Variants in PCDHGA9 observed in about 807,000 individuals in gnomAD.
PCDHGA9 encodes protocadherin gamma-A9.
In PCDHGA9, 37 loss-of-function variants were observed where a neutral mutation model predicts 62.5. That is an observed-to-expected ratio of 0.59 (90% CI 0.46 to 0.78). PCDHGA9 has a LOEUF of 0.78. Ranked by LOEUF, PCDHGA9 falls within the 30% of genes least tolerant of loss-of-function variation. PCDHGA9 has a pLI of 0.00. For synonymous variants in PCDHGA9, 459 were observed against 484.6 expected, an observed-to-expected ratio of 0.95 and a Z score of 0.69; for missense variants, 1,138 against 1,166.2, an observed-to-expected ratio of 0.98 and a Z score of 0.35.
chr5:141,409,513 C>G (rs2095276446), intron 1 of PCDHGA9: 1 of 1,614,030 alleles, frequency 6.2e-7, no homozygotes, highest in South Asian at 1.1e-5. Flanking sequence ...CCAGTAGAAG[C>G]ATCACCTTGT....
rs769671283 is a variant in PCDHGA9, at chr5:141,511,391, C to T, written c.*218C>T. On this transcript the variant is annotated 3_prime_UTR_variant, in exon 4 of 4. Transcript: ENST00000573521. Reference sequence around the variant, plus strand: ...TGCAAAAGCAGTTCCGCTGGGAACCCCCATCCAATCAACTGCTGTACCCAT... The same window carrying T: ...TGCAAAAGCAGTTCCGCTGGGAACCTCCATCCAATCAACTGCTGTACCCAT... The T allele has an allele frequency of 6.4e-5, 69 of 1,079,630 alleles. No individual in the cohort carries two copies. The highest frequency in any genetic ancestry group is 1.5e-4 in the Admixed American group (5 of 34,354). 66.9% of individuals were successfully genotyped at this position (1,079,630 alleles called of 1,614,324 possible). A position where few individuals can be genotyped will look rare whatever the true frequency, so the allele number is the denominator to read the frequency against.
Position 141,493,689 on chromosome 5 carries a change from C to A in PCDHGA9, c.2425-1118C>A, listed in dbSNP as rs2099749557. The stretch of plus-strand genomic sequence containing the variant: ...GGCAGCCCCAGAATGGTGCTGGTGA[C>A]TCCCGATACACCTGGAATGCTAGGT... On this transcript the variant is annotated intron_variant, in intron 1 of 3. Transcript: ENST00000573521. The surrounding 1 kb of genome is among the most constrained non-coding windows in gnomAD (Gnocchi z 4.3). Among the ~76,000 whole-genome samples the A allele has an allele frequency of 6.6e-6, 1 of 152,218 alleles. No homozygotes were observed. The highest frequency in any genetic ancestry group is 2.4e-5 in the African/African-American group (1 of 41,450).
intron 1 of PCDHGA9, chr5:141,427,958 G>T: frequency 6.3e-7 from 1 of 1,588,408 alleles, no homozygotes; most frequent in Non-Finnish European, 8.6e-7. Flanking sequence ...ACAATGTGCC[G>T]CGGGTGCTGT....
At chr5:141,420,432 T>C in intron 1 of PCDHGA9, 2 of 1,149,120 alleles carry the variant, frequency 1.7e-6, no homozygotes, top group Non-Finnish European at 2.3e-6. Flanking sequence ...AAAGTTTAAA[T>C]TAAATGCCTC....
At position 141,431,141 on chromosome 5, in the gene PCDHGA9, G is replaced by C. The variant is rs1262504427; in HGVS notation, c.2424+25765G>C. 1 of 1,614,094 alleles carries C rather than the reference G, an allele frequency of 6.2e-7. No individual in the cohort carries two copies. The highest frequency in any genetic ancestry group is 2.2e-5 in the East Asian group (1 of 44,896). On this transcript the variant is annotated intron_variant, in intron 1 of 3. Coordinates refer to ENST00000573521, the MANE Select transcript of PCDHGA9 (RefSeq NM_018921.3). The surrounding 1 kb of genome is among the most constrained non-coding windows in gnomAD (Gnocchi z 4.8). The stretch of plus-strand genomic sequence containing the variant: ...AGAAGTAGAAGTAAGGGACATTAAC[G>C]ACAATGCGCCTTACTTTCGTGAAAG...
At position 141,404,048 on chromosome 5, in the gene PCDHGA9, ATTC is replaced by A. The variant is rs1247713760; in HGVS notation, c.1102_1104del (p.Leu368del). ...AGAAGACGCACCTCAGGGAACAGTA[ATTC>A]TTCTTTTCAATGCTCATGACCGAGA... On this transcript the variant is annotated inframe_deletion, in exon 1 of 4. Transcript: ENST00000573521. The A allele has an allele frequency of 1.9e-6, 3 of 1,613,866 alleles. No homozygotes were observed. The highest frequency in any genetic ancestry group is 1.1e-5 in the South Asian group (1 of 91,072).
At chr5:141,408,375 T>A in intron 1 of PCDHGA9, 1 of 1,613,972 alleles carries the variant, frequency 6.2e-7, no homozygotes, top group Non-Finnish European at 8.5e-7. Context: ...GGGCTCAGTG[T>A]CCTGGATGTG....
chr5:141,423,744 A>T, intron 1 of PCDHGA9: 4 of 429,458 alleles, frequency 9.3e-6, no homozygotes, highest in Non-Finnish European at 8.7e-6. Context: ...TGTTATGAAA[A>T]CTGTTTGGGG....
Position 141,512,171 on chromosome 5 carries a change from T to C in PCDHGA9, c.*998T>C, listed in dbSNP as rs140884268. ...GGGCTGAGCTAACAGGACCAATGGA[T>C]TAAACTGGCATTTCAGTCCAAGGAA... On this transcript the variant is annotated 3_prime_UTR_variant, in exon 4 of 4. Transcript: ENST00000573521. 584 of 152,796 alleles carry C rather than the reference T, an allele frequency of 3.8e-3. 5 individuals carry two copies. The highest frequency in any genetic ancestry group is 0.011 in the Admixed American group (167 of 15,298). The allele number at this position is 152,796 out of a possible 1,614,324, so 9.5% of individuals were successfully genotyped here. A position where few individuals can be genotyped will look rare whatever the true frequency, so the allele number is the denominator to read the frequency against.
In PCDHGA9 at chr5:141,490,175, A is replaced by C; in HGVS notation, c.2425-4632A>C. The C allele has an allele frequency of 1.9e-6, 3 of 1,614,194 alleles. No homozygotes were observed. Among genetic ancestry groups the C allele is most frequent in the East Asian group, 4.5e-5 (2 of 44,884 alleles). On this transcript the variant is annotated intron_variant, in intron 1 of 3. Coordinates refer to ENST00000573521, the MANE Select transcript of PCDHGA9 (RefSeq NM_018921.3). This position sits in a 1 kb window ranked among gnomAD's most constrained non-coding sequence, Gnocchi z 5.4. ...GTGTTGGGTCCCATAGACTTTGAGG[A>C]GTCACGTTTCTATGAAATTCATGCA...
intron 1 of PCDHGA9, chr5:141,419,893 TCCC>T (rs571839457): frequency 5.0e-5 from 81 of 1,613,960 alleles, no homozygotes; most frequent in Non-Finnish European, 6.5e-5. Context: ...TCAGCGACCA[TCCC>T]ACACCCTCTG....
At chr5:141,467,736 G>T (rs1435480730) in intron 1 of PCDHGA9, among the ~76,000 whole-genome samples, 1 of 151,902 alleles carries the variant, frequency 6.6e-6, no homozygotes, top group Admixed American at 6.6e-5. Context: ...ATCCCAGCTC[G>T]CTGCAACCTC....
intron 2 of PCDHGA9, among the ~76,000 whole-genome samples, chr5:141,495,587 C>T (rs1391263118): frequency 6.6e-6 from 1 of 152,238 alleles, no homozygotes. Context: ...TTCTCCATCT[C>T]TGTCTTAGCT....
At chr5:141,444,672 A>G (rs990955921) in intron 1 of PCDHGA9, among the ~76,000 whole-genome samples, 2 of 152,086 alleles carry the variant, frequency 1.3e-5, no homozygotes, top group Non-Finnish European at 2.9e-5. Flanking sequence ...ATTTTTTTCA[A>G]TACCATTTAT....
rs552017054 is a variant in PCDHGA9 at position 141,425,594 on chromosome 5, A to G, written c.2424+20218A>G. On this transcript the variant is annotated intron_variant, in intron 1 of 3. Transcript: ENST00000573521. ...GGGTTTGGCTAACTTTATTCTGAAT[A>G]TGCCCTATATAGCTTTCAGTGCTCC... 2.6e-5 allele frequency among the ~76,000 whole-genome samples: 4 copies of G among 152,370 alleles called. No homozygotes were observed. In the South Asian group the frequency reaches 8.3e-4, roughly 32 times the overall value.
At position 141,412,973 on chromosome 5, in the gene PCDHGA9, C is replaced by A. The variant is rs2095594108; in HGVS notation, c.2424+7597C>A. 14 of 528,318 alleles carry A rather than the reference C, an allele frequency of 2.6e-5. No individual in the cohort carries two copies. In the South Asian group the frequency reaches 3.3e-4, roughly 12 times the overall value. The allele number at this position is 528,318 out of a possible 1,614,324, so 32.7% of individuals were successfully genotyped here. A position where few individuals can be genotyped will look rare whatever the true frequency, so the allele number is the denominator to read the frequency against. Reference sequence around the variant, plus strand: ...GCTGTTCACCTACTAGGAGAGAAAACGCAGCCAGAGCTCAATCCGGATTCT... The same window carrying A: ...GCTGTTCACCTACTAGGAGAGAAAAAGCAGCCAGAGCTCAATCCGGATTCT... On this transcript the variant is annotated intron_variant, in intron 1 of 3. Transcript: ENST00000573521.
chr5:141,427,149 A>G (rs1303323489), intron 1 of PCDHGA9: 1 of 456,850 alleles, frequency 2.2e-6, no homozygotes, highest in Non-Finnish European at 4.4e-6. Context: ...TATTGGAAAT[A>G]TGTTTGTGCT....
At chr5:141,409,461 T>C in intron 1 of PCDHGA9, 1 of 1,613,928 alleles carries the variant, frequency 6.2e-7, no homozygotes, top group Non-Finnish European at 8.5e-7. Flanking sequence ...GAATACAATG[T>C]CACCATCGTA....
intron 2 of PCDHGA9, among the ~76,000 whole-genome samples, chr5:141,495,725 C>G (rs1339925752): frequency 1.3e-5 from 2 of 151,986 alleles, no homozygotes; most frequent in African/African-American, 4.8e-5. Flanking sequence ...TACACGGGAC[C>G]CTTAGTCTCT....
Sources: gnomAD v4.1 joint callset for allele counts (sites outside exome capture counted in the v4.1 genomes callset) on GRCh38, gnomAD v4.1.1 for gene constraint, Gnocchi (gnomAD v3.1) non-coding constraint, MANE v1.5 for transcripts, NCBI Gene and HGNC (gene_info 2026-07-23, HGNC 2026-07-21) for gene names.